SPTLC2: variants seen among roughly 807,000 people sequenced by gnomAD.
SPTLC2 encodes the protein serine palmitoyltransferase 2.
Under a neutral mutation model 62.0 loss-of-function variants are expected in SPTLC2, and 21 were observed. The observed-to-expected ratio is 0.34, with a 90% CI of 0.24 to 0.49. The LOEUF (loss-of-function observed/expected upper bound fraction) is 0.49. Among genes scored for constraint, SPTLC2 ranks in the 20% least tolerant of loss-of-function variants. The pLI, the probability that SPTLC2 is intolerant of heterozygous loss-of-function variation, is 0.99. For missense variants in SPTLC2, 511 were observed against 713.0 expected (o/e 0.72, Z 3.23); for synonymous variants, 261 against 261.8 (o/e 1.00, Z 0.03).
intron 9 of SPTLC2, among the ~76,000 whole-genome samples, chr14:77,536,567 A>G (rs1338783069): frequency 6.6e-6 from 1 of 152,200 alleles, no homozygotes; most frequent in Non-Finnish European, 1.5e-5. Flanking sequence ...AAAAGAAACC[A>G]GTATCCATTA....
chr14:77,536,477 A>G (rs2079471525), intron 9 of SPTLC2, among the ~76,000 whole-genome samples: 1 of 152,110 alleles, frequency 6.6e-6, no homozygotes, highest in Admixed American at 6.5e-5. Flanking sequence ...TCACCCATTT[A>G]AAGCACACAG....
chr14:77,579,287 C>G lies in SPTLC2; in HGVS notation c.328-178G>C, dbSNP rs145059833. Among the ~76,000 whole-genome samples, 17 of 152,246 alleles carry G rather than the reference C, an allele frequency of 1.1e-4. No individual in the cohort carries two copies. In the East Asian group the frequency reaches 2.7e-3, roughly 24 times the overall value. On this transcript the variant is annotated intron_variant, in intron 2 of 11. Coordinates refer to ENST00000216484, the MANE Select transcript of SPTLC2 (RefSeq NM_004863.4). ...TTTACGGTATCAGTCATTCAAATAACACACATGGTACCCATTAAGTAATTT... is the reference window on the plus strand; with the variant it reads ...TTTACGGTATCAGTCATTCAAATAAGACACATGGTACCCATTAAGTAATTT...
intron 5 of SPTLC2, 147 bp downstream of exon 5, chr14:77,570,237 A>AG (rs1328541919): frequency 1.9e-5 from 22 of 1,173,342 alleles, no homozygotes; most frequent in Non-Finnish European, 2.5e-5. Flanking sequence ...AAAAAAAAAA[A>AG]AAAGAAAAAC....
chr14:77,560,214 A>T (rs2364601), intron 6 of SPTLC2, among the ~76,000 whole-genome samples: 121,475 of 152,152 alleles, frequency 0.8, 48,814 homozygotes, highest in East Asian at 0.99. Context: ...AGATGCAAGC[A>T]TGTGTATGTT....
At chr14:77,539,043 G>A (rs1274200748) in intron 9 of SPTLC2, among the ~76,000 whole-genome samples, 1 of 151,670 alleles carries the variant, frequency 6.6e-6, no homozygotes, top group Admixed American at 6.6e-5. Context: ...TACTAGATAA[G>A]GCTGTTTTAA....
intron 5 of SPTLC2, among the ~76,000 whole-genome samples, chr14:77,569,107 A>G (rs2079663118): frequency 9.1e-6 from 1 of 109,532 alleles, no homozygotes; most frequent in African/African-American, 2.8e-5. Flanking sequence ...TTCCTTAATC[A>G]TTACACAATG....
At chr14:77,555,557 C>T (rs770752426) in intron 7 of SPTLC2, 38 bp from the exon 8 acceptor site, 3 of 1,582,982 alleles carry the variant, frequency 1.9e-6, no homozygotes, top group East Asian at 2.3e-5. Context: ...TACACATATA[C>T]ACTGAGACTT....
intron 9 of SPTLC2, among the ~76,000 whole-genome samples, chr14:77,545,157 T>C (rs906516366): frequency 3.3e-5 from 5 of 151,982 alleles, no homozygotes; most frequent in African/African-American, 1.2e-4. Flanking sequence ...GGGAGGTAGA[T>C]ACAAATAAAA....
chr14:77,599,239 G>A (rs894481492), intron 1 of SPTLC2, among the ~76,000 whole-genome samples: 2 of 152,112 alleles, frequency 1.3e-5, no homozygotes, highest in African/African-American at 2.4e-5. Flanking sequence ...TCTTAACTTT[G>A]GAACAACTGC....
At chr14:77,536,479 A>G (rs2079471538) in intron 9 of SPTLC2, among the ~76,000 whole-genome samples, 2 of 152,150 alleles carry the variant, frequency 1.3e-5, no homozygotes, top group African/African-American at 4.8e-5. Flanking sequence ...ACCCATTTAA[A>G]GCACACAGTT....
chr14:77,613,567 A>G (rs765472783), intron 1 of SPTLC2, among the ~76,000 whole-genome samples: 15 of 152,216 alleles, frequency 9.9e-5, no homozygotes, highest in Non-Finnish European at 2.1e-4. Context: ...TTCTTTTACT[A>G]TACACATTCA....
chr14:77,609,674 T>C (rs966788310), intron 1 of SPTLC2, among the ~76,000 whole-genome samples: 1 of 151,734 alleles, frequency 6.6e-6, no homozygotes, highest in Non-Finnish European at 1.5e-5. Context: ...GGGGTGGAGG[T>C]TGCAGTGAGC....
chr14:77,524,076 G>C (rs568982400), intron 9 of SPTLC2, among the ~76,000 whole-genome samples: 1 of 152,246 alleles, frequency 6.6e-6, no homozygotes, highest in South Asian at 2.1e-4. Context: ...AACATGAGGA[G>C]AGAAAGGAAA....
chr14:77,555,223 C>A, intron 8 of SPTLC2, 77 bp downstream of exon 8: 1 of 1,571,700 alleles, frequency 6.4e-7, no homozygotes, highest in South Asian at 1.1e-5. Context: ...TTCAGGGCCC[C>A]ATCTGCTAGG....
At chr14:77,579,165 T>G in intron 2 of SPTLC2, 56 bp from the exon 3 acceptor site, 1 of 1,576,336 alleles carries the variant, frequency 6.3e-7, no homozygotes, top group Non-Finnish European at 8.7e-7. Flanking sequence ...ATTAAAAAAT[T>G]TTTTAACAGA....
At chr14:77,566,105 C>T (rs2079643498) in intron 5 of SPTLC2, among the ~76,000 whole-genome samples, 1 of 152,116 alleles carries the variant, frequency 6.6e-6, no homozygotes, top group Non-Finnish European at 1.5e-5. Context: ...TCTTCTCTTT[C>T]CAGCTAAATA....
At chr14:77,564,930 G>GA (rs2079636292) in intron 5 of SPTLC2, among the ~76,000 whole-genome samples, 1 of 151,998 alleles carries the variant, frequency 6.6e-6, no homozygotes, top group African/African-American at 2.4e-5. Flanking sequence ...GAGAAAAATA[G>GA]AAAAATCACC....
rs925849177 is a variant in SPTLC2 at position 77,561,518 on chromosome 14, G to A, written c.850+878C>T. ...CCCAGCTACTCGGGAGGCTGAGGCA[G>A]GAGAATCGCTTGAACTCGGGAGGCA... On this transcript the variant is annotated intron_variant, in intron 6 of 11. Coordinates refer to ENST00000216484, the MANE Select transcript of SPTLC2 (RefSeq NM_004863.4). Among the ~76,000 whole-genome samples, 18 of 151,900 alleles carry A rather than the reference G, an allele frequency of 1.2e-4. No individual in the cohort carries two copies. In the South Asian group the frequency reaches 3.7e-3, roughly 32 times the overall value.
intron 3 of SPTLC2, 121 bp from the exon 4 acceptor site, chr14:77,577,036 C>A: frequency 9.8e-7 from 1 of 1,022,916 alleles, no homozygotes; most frequent in South Asian, 1.3e-5. Flanking sequence ...AAAAAAATCT[C>A]AAACACACTA....
Sources: gnomAD v4.1 joint callset for allele counts (sites outside exome capture counted in the v4.1 genomes callset) on GRCh38, gnomAD v4.1.1 for gene constraint, MANE v1.5 for transcripts, NCBI Gene and HGNC (gene_info 2026-07-23, HGNC 2026-07-21) for gene names.